The following ARHGEF12 variants were observed in gnomAD, a reference collection of about 807,000 sequenced individuals.
ARHGEF12 encodes the protein Rho guanine nucleotide exchange factor 12.
In ARHGEF12, 66 loss-of-function variants were observed where a neutral mutation model predicts 211.2. The ratio of observed to expected loss-of-function variants is 0.31; its 90% CI spans 0.26 to 0.38. The LOEUF (loss-of-function observed/expected upper bound fraction) is 0.38. Ranked by LOEUF, ARHGEF12 falls within the 10% of genes least tolerant of loss-of-function variation. ARHGEF12 has a pLI of 1.00. For synonymous variants in ARHGEF12, 592 were observed against 638.4 expected (o/e 0.93, Z 1.09); for missense variants, 1,429 against 1,869.5 (o/e 0.76, Z 4.34).
chr11:120,428,794 G>T (rs997511147), intron 8 of ARHGEF12, among the ~76,000 whole-genome samples: 7 of 152,216 alleles, frequency 4.6e-5, no homozygotes, highest in African/African-American at 1.4e-4. Context: ...ATCAAATATT[G>T]TGGAGAAGTA....
At chr11:120,384,077 G>T (rs1006411720) in intron 1 of ARHGEF12, among the ~76,000 whole-genome samples, 7 of 152,156 alleles carry the variant, frequency 4.6e-5, no homozygotes, top group Non-Finnish European at 1.0e-4. Context: ...TGAGACCTCG[G>T]TATAGGTGGA....
At chr11:120,431,448 G>A (rs1227644790) in intron 10 of ARHGEF12, among the ~76,000 whole-genome samples, 3 of 152,048 alleles carry the variant, frequency 2.0e-5, no homozygotes, top group Non-Finnish European at 4.4e-5. Context: ...TTAATGGGCA[G>A]ACAATATAAA....
At chr11:120,435,512 CTTT>C (rs61516865) in intron 11 of ARHGEF12, among the ~76,000 whole-genome samples, 2 of 106,258 alleles carry the variant, frequency 1.9e-5, no homozygotes, top group Non-Finnish European at 3.8e-5. Context: ...CCCTGTCAAG[CTTT>C]TTTTTTTTTT....
intron 1 of ARHGEF12, among the ~76,000 whole-genome samples, chr11:120,377,589 C>G (rs994806768): frequency 6.6e-5 from 10 of 152,134 alleles, no homozygotes; most frequent in Admixed American, 2.0e-4. Context: ...GTGCCCTGAC[C>G]CCTGCGAAGT....
At chr11:120,445,376 A>G (rs1201659947) in intron 15 of ARHGEF12, 46 bp from the exon 16 acceptor site, 2 of 1,604,048 alleles carry the variant, frequency 1.2e-6, no homozygotes, top group East Asian at 4.5e-5. Context: ...GTACATCTTC[A>G]AATATCTTTA....
At chr11:120,367,185 CTGT>C (rs1319070984) in intron 1 of ARHGEF12, among the ~76,000 whole-genome samples, 1 of 151,940 alleles carries the variant, frequency 6.6e-6, no homozygotes, top group Non-Finnish European at 1.5e-5. Flanking sequence ...ATCTGTGATT[CTGT>C]TGTTTACATC....
Position 120,414,766 on chromosome 11 carries a change from A to AT in ARHGEF12, c.199+5322dup, listed in dbSNP as rs563091496. On this transcript the variant is annotated intron_variant, in intron 4 of 40. Transcript: ENST00000397843. The stretch of plus-strand genomic sequence containing the variant: ...GAAAAACGTGTTTATTATTACTGTT[A>AT]TTTTTTGTAGAGAAGAGGTCTTGCT... Among the ~76,000 whole-genome samples, 6 of 152,232 alleles carry AT rather than the reference A, an allele frequency of 3.9e-5. No individual in the cohort carries two copies. The South Asian group carries it at 8.3e-4, about 21-fold the overall frequency.
chr11:120,465,191 G>A (rs1233838478), intron 27 of ARHGEF12, 46 bp from the exon 28 acceptor site: 4 of 1,610,710 alleles, frequency 2.5e-6, no homozygotes, highest in Non-Finnish European at 3.4e-6. Context: ...GCTTGTATAA[G>A]CTCAGTTTCC....
At chr11:120,420,961 G>A in intron 5 of ARHGEF12, 110 bp downstream of exon 5, 3 of 902,300 alleles carry the variant, frequency 3.3e-6, no homozygotes, top group Non-Finnish European at 5.1e-6. Context: ...TGCAGGTCAT[G>A]TGGACTATTG....
intron 16 of ARHGEF12, among the ~76,000 whole-genome samples, chr11:120,446,057 G>A (rs1946035955): frequency 6.6e-6 from 1 of 151,846 alleles, no homozygotes; most frequent in Admixed American, 6.6e-5. Context: ...AAGTAGCTGG[G>A]CGTGGTGGCG....
chr11:120,436,071 C>G (rs761804431), intron 11 of ARHGEF12, among the ~76,000 whole-genome samples: 12 of 152,048 alleles, frequency 7.9e-5, no homozygotes, highest in Non-Finnish European at 1.6e-4. Context: ...AGATGATACT[C>G]TTACAAACTC....
At chr11:120,430,997 G>A (rs1439251130) in intron 10 of ARHGEF12, among the ~76,000 whole-genome samples, 2 of 151,974 alleles carry the variant, frequency 1.3e-5, no homozygotes, top group Non-Finnish European at 2.9e-5. Flanking sequence ...CAATCTAAAT[G>A]CTTATAACCT....
chr11:120,369,149 G>C (rs1397143789), intron 1 of ARHGEF12, among the ~76,000 whole-genome samples: 1 of 114,050 alleles, frequency 8.8e-6, no homozygotes, highest in Non-Finnish European at 1.7e-5. Context: ...TTTTTTCTGT[G>C]ACAGGGTCTT....
intron 1 of ARHGEF12, among the ~76,000 whole-genome samples, chr11:120,341,143 C>T (rs755851596): frequency 3.9e-5 from 6 of 152,074 alleles, no homozygotes; most frequent in African/African-American, 7.2e-5. Context: ...CTGCAACCTC[C>T]GCCTCCCAGG....
At chr11:120,363,719 A>G (rs1338956852) in intron 1 of ARHGEF12, among the ~76,000 whole-genome samples, 1 of 152,146 alleles carries the variant, frequency 6.6e-6, no homozygotes, top group Non-Finnish European at 1.5e-5. Context: ...CTCCAGCTTC[A>G]TGTCTTACCA....
intron 4 of ARHGEF12, chr11:120,409,783 G>C (rs1231947314): frequency 1.0e-5 from 2 of 200,268 alleles, no homozygotes; most frequent in Non-Finnish European, 2.0e-5. Context: ...TTGAATTCTT[G>C]TCATCTTCTT....
At position 120,449,180 on chromosome 11, in the gene ARHGEF12, C is replaced by G. The variant is rs1172766162; in HGVS notation, c.1809C>G (p.Pro603=). The G allele has an allele frequency of 6.2e-7, 1 of 1,613,934 alleles. No individual in the cohort carries two copies. Among genetic ancestry groups the G allele is most frequent in the African/African-American group, 1.3e-5 (1 of 74,894 alleles). ...KRRGFPSILG[P]PRRPSRHDNS... Reference sequence around the variant, plus strand: ...GAGGATTCCCCAGCATCCTGGGACCCCCACGGAGACCAAGCCGTCATGACA... The same window carrying G: ...GAGGATTCCCCAGCATCCTGGGACCGCCACGGAGACCAAGCCGTCATGACA... The change falls in exon 21 of 41, where the codon CCC becomes CCG. Residue 603 remains proline (P), a synonymous_variant. Coordinates refer to ENST00000397843, the MANE Select transcript of ARHGEF12 (RefSeq NM_015313.3).
At chr11:120,453,730 AAC>A (rs1261722079) in intron 22 of ARHGEF12, among the ~76,000 whole-genome samples, 1 of 152,128 alleles carries the variant, frequency 6.6e-6, no homozygotes, top group African/African-American at 2.4e-5. Flanking sequence ...GAAAAACAAC[AAC>A]AGAGAACCAC....
At chr11:120,437,939 A>G (rs1399106766) in intron 12 of ARHGEF12, among the ~76,000 whole-genome samples, 1 of 152,212 alleles carries the variant, frequency 6.6e-6, no homozygotes, top group East Asian at 1.9e-4. Flanking sequence ...ATATTCCATG[A>G]CATGTATATA....
Sources: gnomAD v4.1 joint callset for allele counts (sites outside exome capture counted in the v4.1 genomes callset) on GRCh38, gnomAD v4.1.1 for gene constraint, MANE v1.5 for transcripts, NCBI Gene and HGNC (gene_info 2026-07-23, HGNC 2026-07-21) for gene names.